Variants in COL4A2 observed in about 807,000 individuals in gnomAD.
COL4A2 encodes collagen type IV alpha 2 chain.
In COL4A2, 99 loss-of-function variants were observed where a neutral mutation model predicts 200.2. The ratio of observed to expected loss-of-function variants is 0.49; its 90% confidence interval spans 0.42 to 0.58. COL4A2 has a LOEUF of 0.58. COL4A2 is among the 20% of genes least tolerant of loss of function. The pLI is 0.00. For synonymous variants in COL4A2, 897 were observed against 900.6 expected (o/e 1.00, Z 0.07); for missense variants, 1,950 against 2,314.1 (o/e 0.84, Z 3.23).
At chr13:110,471,773 C>A (rs886958097) in intron 28 of COL4A2, among the ~76,000 whole-genome samples, 1 of 152,188 alleles carries the variant, frequency 6.6e-6, no homozygotes, top group African/African-American at 2.4e-5. Flanking sequence ...GTGGGATACA[C>A]CCCACAGAAC....
intron 4 of COL4A2, among the ~76,000 whole-genome samples, chr13:110,381,546 AGTGACT>A (rs1178316263): frequency 3.9e-5 from 6 of 152,214 alleles, no homozygotes; most frequent in African/African-American, 1.4e-4. Context: ...TGACCCTATT[AGTGACT>A]GTCTCGCACA....
rs1248601519 is a variant in COL4A2, at chr13:110,480,206, C to T, written c.2588-14C>T. On this transcript the variant is annotated splice_polypyrimidine_tract_variant and intron_variant, in intron 30 of 47. Transcript: ENST00000360467. ...GTTTGTCCACCCTGTTTGATTTGCT[C>T]CTCTTCCTGACAGGTCTGCCTGGTG... 6.3e-7 allele frequency: 1 copy of T among 1,579,096 alleles called. No homozygotes were observed. Among genetic ancestry groups the T allele is most frequent in the Admixed American group, 1.9e-5 (1 of 52,132 alleles).
At chr13:110,415,532 C>T (rs1880007288) in intron 4 of COL4A2, among the ~76,000 whole-genome samples, 2 of 152,304 alleles carry the variant, frequency 1.3e-5, no homozygotes, top group South Asian at 4.1e-4. Context: ...CCACTTTTGG[C>T]TCGTAACCTT....
In COL4A2 at chr13:110,376,037, A is replaced by G. The variant is rs915301421; in HGVS notation, c.180+18485A>G. ...TACATCATTATGCAGAGTAAGCACC[A>G]GTAGAATCACAGTGTCTATTTCAGC... On this transcript the variant is annotated intron_variant, in intron 4 of 47. Coordinates refer to ENST00000360467, the MANE Select transcript of COL4A2 (RefSeq NM_001846.4). Among the ~76,000 whole-genome samples the G allele has an allele frequency of 3.3e-5, 5 of 152,228 alleles. 1 individual carries two copies. Among genetic ancestry groups the G allele is most frequent in the Admixed American group, 3.3e-4 (5 of 15,286 alleles).
At chr13:110,344,995 T>C (rs982150804) in intron 3 of COL4A2, among the ~76,000 whole-genome samples, 19 of 152,142 alleles carry the variant, frequency 1.2e-4, no homozygotes, top group Admixed American at 3.9e-4. Context: ...TGGACCTCGG[T>C]GGTTTGCTGT....
intron 41 of COL4A2, among the ~76,000 whole-genome samples, chr13:110,502,396 C>T: frequency 6.6e-6 from 1 of 152,202 alleles, no homozygotes. Flanking sequence ...ACGATCTTAG[C>T]TCGCTGCAAT....
intron 30 of COL4A2, among the ~76,000 whole-genome samples, chr13:110,479,985 A>G (rs1197090957): frequency 7.0e-6 from 1 of 143,370 alleles, no homozygotes; most frequent in Non-Finnish European, 1.5e-5. Flanking sequence ...TGGGAAAGCC[A>G]TGCTGGCTGG....
At chr13:110,501,478 G>T (rs1394195723) in intron 40 of COL4A2, among the ~76,000 whole-genome samples, 190 bp from the exon 41 acceptor site, 1 of 152,072 alleles carries the variant, frequency 6.6e-6, no homozygotes, top group Non-Finnish European at 1.5e-5. Context: ...CATAGCCCCT[G>T]CCCCCCCAAC....
At position 110,374,714 on chromosome 13, in the gene COL4A2, C is replaced by G. The variant is rs1878162356; in HGVS notation, c.180+17162C>G. ...TAGCAAATGCTTTCCTCATCTCCAT[C>G]CATCCTAGTTACCCCTCTCCTCCTC... On this transcript the variant is annotated intron_variant, in intron 4 of 47. Transcript: ENST00000360467. Among the ~76,000 whole-genome samples the G allele has an allele frequency of 3.3e-5, 5 of 152,200 alleles. No individual in the cohort carries two copies. In the South Asian group the frequency reaches 1.0e-3, roughly 32 times the overall value.
intron 40 of COL4A2, among the ~76,000 whole-genome samples, chr13:110,496,865 G>A (rs542674884): frequency 6.7e-6 from 1 of 150,360 alleles, no homozygotes; most frequent in African/African-American, 2.5e-5. Context: ...AGGATCTAGG[G>A]TCAGTCCACC....
intron 4 of COL4A2, among the ~76,000 whole-genome samples, chr13:110,402,461 G>A (rs1879404177): frequency 6.6e-6 from 1 of 152,116 alleles, no homozygotes; most frequent in Non-Finnish European, 1.5e-5. Context: ...GACACACTGG[G>A]GTGGGGATTG....
chr13:110,483,812 G>A (rs1430416687), intron 32 of COL4A2, among the ~76,000 whole-genome samples: 1 of 152,218 alleles, frequency 6.6e-6, no homozygotes, highest in Non-Finnish European at 1.5e-5. Flanking sequence ...TCATTTTCTG[G>A]GATAAAGTGT....
At chr13:110,375,172 G>C (rs984698011) in intron 4 of COL4A2, among the ~76,000 whole-genome samples, 3 of 152,182 alleles carry the variant, frequency 2.0e-5, no homozygotes, top group Non-Finnish European at 4.4e-5. Flanking sequence ...TAAGCATCTT[G>C]ACTTTGGCAT....
intron 33 of COL4A2, 126 bp from the exon 34 acceptor site, chr13:110,485,522 CAAAAAAA>C: frequency 2.0e-3 from 700 of 358,922 alleles, no homozygotes; most frequent in Middle Eastern, 5.2e-3. Flanking sequence ...GACTCCGTCT[CAAAAAAA>C]AAAAAAAAAA....
chr13:110,473,204 C>T lies in COL4A2; in HGVS notation c.2425+54C>T, dbSNP rs558672337. 7.3e-6 allele frequency: 11 copies of T among 1,502,612 alleles called. No homozygotes were observed. In the South Asian group the frequency reaches 1.1e-4, roughly 15 times the overall value. 93.1% of individuals were successfully genotyped at this position (1,502,612 alleles called of 1,614,324 possible). On this transcript the variant is annotated intron_variant, in intron 29 of 47. Transcript: ENST00000360467. ...CCCATCCCAGATGCACAGTGGCCTCCAAGGGCGACCCCAATCCCTTCCGGG... is the reference window on the plus strand; with the variant it reads ...CCCATCCCAGATGCACAGTGGCCTCTAAGGGCGACCCCAATCCCTTCCGGG...
Position 110,436,385 on chromosome 13 carries a change from C to T in COL4A2, c.825+18C>T. ...AGTACAAGGTAAAGAGCAAAATTGA[C>T]TCTTTTCATAGTTGAAATAAAAAAA... On this transcript the variant is annotated intron_variant, in intron 13 of 47. Transcript: ENST00000360467. The T allele has an allele frequency of 6.2e-7, 1 of 1,605,580 alleles. No homozygotes were observed.
chr13:110,438,497 C>G, intron 14 of COL4A2, 121 bp from the exon 15 acceptor site: 1 of 1,310,754 alleles, frequency 7.6e-7, no homozygotes, highest in South Asian at 1.2e-5. Context: ...CATCGCCAGG[C>G]GGTCTGGACA....
chr13:110,315,608 C>G (rs1431550925), intron 3 of COL4A2, among the ~76,000 whole-genome samples: 1 of 152,158 alleles, frequency 6.6e-6, no homozygotes, highest in Non-Finnish European at 1.5e-5. Flanking sequence ...GTTGGCCAGG[C>G]TGGTTTCAAA....
chr13:110,354,390 CA>C (rs1179119690), intron 3 of COL4A2, among the ~76,000 whole-genome samples: 1 of 152,258 alleles, frequency 6.6e-6, no homozygotes, highest in African/African-American at 2.4e-5. Context: ...ATCACATATT[CA>C]AATCATGGGA....
Sources: allele counts gnomAD v4.1 joint callset (sites outside exome capture counted in the v4.1 genomes callset), GRCh38; gene constraint gnomAD v4.1.1; transcripts MANE v1.5; gene names NCBI Gene and HGNC (gene_info 2026-07-23, HGNC 2026-07-21).